PRKAR1B: variants seen among roughly 807,000 people sequenced by gnomAD.
PRKAR1B encodes the protein cAMP-dependent protein kinase type I-beta regulatory subunit.
Under a neutral mutation model 46.5 loss-of-function variants are expected in PRKAR1B, and 22 were observed. That is an observed-to-expected ratio of 0.47 (90% CI 0.34 to 0.68). The LOEUF (loss-of-function observed/expected upper bound fraction) is 0.68, where lower values mean the gene tolerates loss of function less well. Among genes scored for constraint, PRKAR1B ranks in the 30% least tolerant of loss-of-function variants. PRKAR1B has a pLI of 0.01. For synonymous variants in PRKAR1B, 259 were observed against 217.7 expected (o/e 1.19, Z -1.67); for missense variants, 445 against 535.6 (o/e 0.83, Z 1.67).
rs977863014 is a variant in PRKAR1B at position 550,118 on chromosome 7, G to T, written c.*312C>A. ...AGGACCGATCCTCAAGCATCTCCAG[G>T]AGACTGGCAGGGGTGGGGTGGGCCC... On this transcript the variant is annotated 3_prime_UTR_variant, in exon 11 of 11. Coordinates refer to ENST00000537384, the MANE Select transcript of PRKAR1B (RefSeq NM_001164760.2). 1.1e-5 allele frequency: 4 copies of T among 377,346 alleles called. No homozygotes were observed. The allele number at this position is 377,346 out of a possible 1,614,324, so 23.4% of individuals were successfully genotyped here. A position where few individuals can be genotyped will look rare whatever the true frequency, so the allele number is the denominator to read the frequency against.
At chr7:583,057 C>T (rs1780288397) in intron 8 of PRKAR1B, among the ~76,000 whole-genome samples, 1 of 151,976 alleles carries the variant, frequency 6.6e-6, no homozygotes, top group Admixed American at 6.6e-5. Flanking sequence ...GCTGCCAGGG[C>T]CGGGAGGGCA....
chr7:630,627 C>CG (rs1048383673), intron 4 of PRKAR1B, among the ~76,000 whole-genome samples: 13 of 152,208 alleles, frequency 8.5e-5, no homozygotes, highest in African/African-American at 2.7e-4. Flanking sequence ...AGGCTGGCCC[C>CG]GGGGGGATCA....
intron 7 of PRKAR1B, 151 bp downstream of exon 7, chr7:595,995 C>G: frequency 1.0e-6 from 1 of 1,002,642 alleles, no homozygotes; most frequent in South Asian, 1.9e-5. Context: ...TCCCTCCACC[C>G]CTTTCCACTC....
At chr7:718,768 T>C (rs531693996) in intron 1 of PRKAR1B, among the ~76,000 whole-genome samples, 192 of 152,256 alleles carry the variant, frequency 1.3e-3, no homozygotes, top group Middle Eastern at 3.4e-3. Flanking sequence ...ATTAGCATTG[T>C]TGCTTCTGTT....
Position 726,849 on chromosome 7 carries a change from G to A in PRKAR1B, c.-23+361C>T, listed in dbSNP as rs1039124490. The A allele has an allele frequency of 2.2e-5, 29 of 1,321,018 alleles. No homozygotes were observed. The highest frequency in any genetic ancestry group is 4.0e-5 in the South Asian group (2 of 49,504). The allele number at this position is 1,321,018 out of a possible 1,614,324, so 81.8% of individuals were successfully genotyped here. ...TGCCGGGGCTGGAGGCCGACAGCAA[G>A]CCGGGCCGGCGGCGCGCCTTGGAGG... On this transcript the variant is annotated intron_variant, in intron 1 of 10. Transcript: ENST00000537384.
At position 550,191 on chromosome 7, in the gene PRKAR1B, G is replaced by A; in HGVS notation, c.*239C>T. The A allele has an allele frequency of 1.9e-6, 1 of 522,542 alleles. No individual in the cohort carries two copies. Among genetic ancestry groups the A allele is most frequent in the East Asian group, 3.5e-5 (1 of 28,640 alleles). 32.4% of individuals were successfully genotyped at this position (522,542 alleles called of 1,614,324 possible). On this transcript the variant is annotated 3_prime_UTR_variant, in exon 11 of 11. Coordinates refer to ENST00000537384, the MANE Select transcript of PRKAR1B (RefSeq NM_001164760.2). Reference sequence around the variant, plus strand: ...AGCCGGGGAGGCGTGTGGGGAGGAAGCTGGCCTGTCCCTTCCTTGATCTTG... The same window carrying A: ...AGCCGGGGAGGCGTGTGGGGAGGAAACTGGCCTGTCCCTTCCTTGATCTTG...
intron 4 of PRKAR1B, among the ~76,000 whole-genome samples, chr7:655,019 C>T (rs1263083198): frequency 1.3e-5 from 2 of 152,238 alleles, no homozygotes; most frequent in South Asian, 2.1e-4. Context: ...CCACTTACCA[C>T]TGCCAGTGGT....
At chr7:633,805 C>T (rs992474772) in intron 4 of PRKAR1B, among the ~76,000 whole-genome samples, 13 of 152,102 alleles carry the variant, frequency 8.5e-5, no homozygotes, top group African/African-American at 3.1e-4. Flanking sequence ...AGCTCCTGTT[C>T]ACGGCCTTCC....
At chr7:557,921 G>T (rs1778545120) in intron 9 of PRKAR1B, among the ~76,000 whole-genome samples, 1 of 152,196 alleles carries the variant, frequency 6.6e-6, no homozygotes, top group Admixed American at 6.5e-5. Context: ...ACAAACCTGG[G>T]AGGAGACGCC....
intron 9 of PRKAR1B, among the ~76,000 whole-genome samples, chr7:568,634 G>A (rs1395215567): frequency 6.6e-6 from 1 of 152,232 alleles, no homozygotes; most frequent in East Asian, 1.9e-4. Context: ...CAGGACCACA[G>A]CCACCACGGC....
At chr7:553,088 C>G (rs1436721861) in intron 9 of PRKAR1B, among the ~76,000 whole-genome samples, 3 of 152,092 alleles carry the variant, frequency 2.0e-5, no homozygotes, top group Non-Finnish European at 4.4e-5. Context: ...GTGTGGAAAC[C>G]GCGGCCTGGC....
intron 4 of PRKAR1B, among the ~76,000 whole-genome samples, chr7:645,161 G>A (rs200532506): frequency 4.5e-4 from 68 of 152,190 alleles, no homozygotes; most frequent in African/African-American, 1.5e-3. Context: ...AAGGTCACTC[G>A]GCAGGCAGCA....
intron 4 of PRKAR1B, among the ~76,000 whole-genome samples, chr7:673,076 A>AAC (rs1786371186): frequency 6.9e-6 from 1 of 145,112 alleles, no homozygotes; most frequent in Non-Finnish European, 1.5e-5. Context: ...AAAAAAAAAA[A>AAC]AACACACACA....
chr7:726,851 C>T, intron 1 of PRKAR1B: 2 of 1,319,038 alleles, frequency 1.5e-6, no homozygotes, highest in Non-Finnish European at 1.9e-6. Flanking sequence ...GACAGCAAGC[C>T]GGGCCGGCGG....
intron 4 of PRKAR1B, among the ~76,000 whole-genome samples, chr7:671,792 G>A (rs990117393): frequency 6.6e-5 from 10 of 152,332 alleles, no homozygotes; most frequent in Admixed American, 2.0e-4. Flanking sequence ...AATGAACAAA[G>A]CTGTCCTACC....
intron 4 of PRKAR1B, among the ~76,000 whole-genome samples, chr7:673,045 T>TAAA (rs992683667): frequency 0.29 from 7,561 of 26,460 alleles, 2,773 homozygotes; most frequent in Non-Finnish European, 0.33. Context: ...GCCTTGTCTT[T>TAAA]AAAAAAAAAA....
chr7:578,464 C>T (rs1779983466), intron 9 of PRKAR1B, among the ~76,000 whole-genome samples: 1 of 152,176 alleles, frequency 6.6e-6, no homozygotes, highest in Non-Finnish European at 1.5e-5. Flanking sequence ...TTAATTTTGC[C>T]ATCATCGTAC....
intron 9 of PRKAR1B, among the ~76,000 whole-genome samples, chr7:577,610 G>C (rs935591889): frequency 2.0e-5 from 3 of 152,206 alleles, no homozygotes; most frequent in Non-Finnish European, 2.9e-5. Context: ...GCCCCAGGCA[G>C]AGCCTCCGGA....
At chr7:656,721 G>GTGGA (rs1178645142) in intron 4 of PRKAR1B, among the ~76,000 whole-genome samples, 3 of 152,092 alleles carry the variant, frequency 2.0e-5, no homozygotes. Flanking sequence ...GAACAAATGA[G>GTGGA]TGGATGGATG....
Sources: allele counts gnomAD v4.1 joint callset (sites outside exome capture counted in the v4.1 genomes callset), GRCh38; gene constraint gnomAD v4.1.1; transcripts MANE v1.5; gene names NCBI Gene and HGNC (gene_info 2026-07-23, HGNC 2026-07-21).